RPH3A: variants seen among roughly 807,000 people sequenced by gnomAD.
RPH3A encodes the protein rabphilin 3A, also known as rabphilin-3A.
Under a neutral mutation model 102.2 loss-of-function variants are expected in RPH3A, and 48 were observed. That is an observed-to-expected ratio of 0.47 (90% CI 0.37 to 0.60). RPH3A has a LOEUF of 0.60. Ranked by LOEUF, RPH3A falls within the 20% of genes least tolerant of loss-of-function variation. The pLI, the probability that RPH3A is intolerant of heterozygous loss-of-function variation, is 0.00. For missense variants in RPH3A, 781 were observed against 910.1 expected, an observed-to-expected ratio of 0.86 and a Z score of 1.83; for synonymous variants, 310 against 324.3, an observed-to-expected ratio of 0.96 and a Z score of 0.47.
intron 2 of RPH3A, among the ~76,000 whole-genome samples, chr12:112,811,279 G>A (rs928315491): frequency 1.3e-5 from 2 of 152,070 alleles, no homozygotes; most frequent in African/African-American, 4.8e-5. Flanking sequence ...GTATTTCTGT[G>A]TAAAGACACC....
intron 2 of RPH3A, among the ~76,000 whole-genome samples, chr12:112,827,386 T>A (rs1195258576): frequency 1.3e-5 from 2 of 152,240 alleles, no homozygotes; most frequent in African/African-American, 4.8e-5. Context: ...ATGTCAATAC[T>A]TCATCTGTTT....
chr12:112,578,238 G>A (rs1210608523), intron 1 of RPH3A, among the ~76,000 whole-genome samples: 4 of 152,102 alleles, frequency 2.6e-5, no homozygotes, highest in African/African-American at 4.8e-5. Flanking sequence ...AGGGTTTCTC[G>A]CAGCATGACC....
intron 5 of RPH3A, among the ~76,000 whole-genome samples, chr12:112,850,434 G>T (rs2136193756): frequency 6.6e-6 from 1 of 152,152 alleles, no homozygotes; most frequent in East Asian, 1.9e-4. Context: ...AGCAGCCCCT[G>T]GCTTCCCCTG....
At chr12:112,588,042 T>G (rs576273727) in intron 1 of RPH3A, among the ~76,000 whole-genome samples, 28 of 152,308 alleles carry the variant, frequency 1.8e-4, no homozygotes, top group African/African-American at 6.5e-4. Context: ...CACATTGAGG[T>G]GGCTGAGTGA....
intron 1 of RPH3A, among the ~76,000 whole-genome samples, chr12:112,633,820 G>A (rs1014015853): frequency 2.0e-5 from 3 of 152,156 alleles, no homozygotes; most frequent in Non-Finnish European, 4.4e-5. Context: ...TCAAAACCTG[G>A]AATGAGACTG....
At chr12:112,671,405 C>T (rs893637247) in intron 1 of RPH3A, among the ~76,000 whole-genome samples, 3 of 152,134 alleles carry the variant, frequency 2.0e-5, no homozygotes, top group Non-Finnish European at 4.4e-5. Context: ...CAGTTCCTGC[C>T]ATCACATCTA....
intron 17 of RPH3A, among the ~76,000 whole-genome samples, chr12:112,888,210 C>G (rs1593131620): frequency 1.3e-5 from 2 of 152,270 alleles, no homozygotes; most frequent in East Asian, 3.8e-4. Context: ...TCAGAGCCAG[C>G]TCTGCCACTT....
intron 1 of RPH3A, among the ~76,000 whole-genome samples, chr12:112,768,432 G>C (rs773052061): frequency 8.5e-5 from 13 of 152,206 alleles, no homozygotes; most frequent in Non-Finnish European, 1.3e-4. Context: ...CTCTGCTCCA[G>C]CCATGTTGGC....
At position 112,890,835 on chromosome 12, in the gene RPH3A, T is replaced by C. The variant is rs2043081395; in HGVS notation, c.1621-14T>C. On this transcript the variant is annotated splice_polypyrimidine_tract_variant and intron_variant, in intron 18 of 21. Transcript: ENST00000389385. ...TCCCCTCCAAGGCCCACACTGCCTT[T>C]TCCCCCAATGCAGCAGGTGGAGCGT... is the stretch of plus-strand genomic sequence containing the variant. 6.2e-7 allele frequency: 1 copy of C among 1,612,066 alleles called. No homozygotes were observed. The highest frequency in any genetic ancestry group is 1.7e-5 in the Admixed American group (1 of 59,878).
intron 5 of RPH3A, among the ~76,000 whole-genome samples, chr12:112,858,431 C>G (rs1011079992): frequency 4.6e-5 from 7 of 152,084 alleles, no homozygotes; most frequent in Admixed American, 3.3e-4. Context: ...TCTCCAGCCT[C>G]ATCTCCCACC....
At chr12:112,854,987 C>A (rs2042387216) in intron 5 of RPH3A, among the ~76,000 whole-genome samples, 1 of 151,740 alleles carries the variant, frequency 6.6e-6, no homozygotes, top group African/African-American at 2.4e-5. Flanking sequence ...ACAGTTCATT[C>A]CTCTTTACCA....
chr12:112,848,737 G>C (rs1452271181), intron 5 of RPH3A, among the ~76,000 whole-genome samples: 5 of 152,152 alleles, frequency 3.3e-5, no homozygotes, highest in Non-Finnish European at 7.3e-5. Context: ...AAGAGTGGAA[G>C]AGAGTGACAA....
At chr12:112,766,531 A>G (rs2040890372) in intron 1 of RPH3A, among the ~76,000 whole-genome samples, 1 of 152,132 alleles carries the variant, frequency 6.6e-6, no homozygotes, top group African/African-American at 2.4e-5. Context: ...AGGGAAGGAA[A>G]GGAGGCCAAG....
chr12:112,621,592 T>C (rs9795922), intron 1 of RPH3A, among the ~76,000 whole-genome samples: 2 of 138,560 alleles, frequency 1.4e-5, no homozygotes, highest in African/African-American at 2.8e-5. Context: ...TAGCACAGCA[T>C]TCTGAGATCA....
chr12:112,768,861 A>G (rs189365706), intron 1 of RPH3A, among the ~76,000 whole-genome samples: 4 of 152,186 alleles, frequency 2.6e-5, no homozygotes, highest in African/African-American at 4.8e-5. Flanking sequence ...GCAGTGAGCC[A>G]TGATTGCTCC....
chr12:112,683,133 G>A (rs1181234051), intron 1 of RPH3A, among the ~76,000 whole-genome samples: 2 of 152,174 alleles, frequency 1.3e-5, no homozygotes, highest in East Asian at 1.9e-4. Context: ...GGATATAGTA[G>A]GTGCTCAATA....
chr12:112,685,433 G>A (rs948984676), intron 1 of RPH3A, among the ~76,000 whole-genome samples: 7 of 152,164 alleles, frequency 4.6e-5, no homozygotes, highest in Non-Finnish European at 8.8e-5. Context: ...TGCTGTTGCT[G>A]TTGTCCTATT....
chr12:112,689,808 T>C (rs1461015075), intron 1 of RPH3A, among the ~76,000 whole-genome samples: 1 of 152,198 alleles, frequency 6.6e-6, no homozygotes, highest in African/African-American at 2.4e-5. Flanking sequence ...AATGGATCAC[T>C]TGCATTGCTG....
chr12:112,865,610 G>C, intron 6 of RPH3A, 67 bp downstream of exon 6: 2 of 1,535,806 alleles, frequency 1.3e-6, no homozygotes, highest in Non-Finnish European at 1.8e-6. Flanking sequence ...CTAGGCTCCA[G>C]CTGTAGGGGT....
Sources: allele counts gnomAD v4.1 joint callset (sites outside exome capture counted in the v4.1 genomes callset), GRCh38; gene constraint gnomAD v4.1.1; transcripts MANE v1.5; gene names NCBI Gene and HGNC (gene_info 2026-07-23, HGNC 2026-07-21).